The following CYP2C19 variants were observed in gnomAD, a reference collection of about 807,000 sequenced individuals.
CYP2C19 encodes cytochrome P450 2C19.
Under a neutral mutation model 40.9 loss-of-function variants are expected in CYP2C19, and 59 were observed. The ratio of observed to expected loss-of-function variants is 1.44; its 90% confidence interval spans 1.17 to 1.79. The LOEUF is 1.79. CYP2C19 is among the 40% of genes most tolerant of loss of function. The pLI is 0.00. For missense variants in CYP2C19, 754 were observed against 596.9 expected (o/e 1.26, Z -2.74); for synonymous variants, 253 against 208.7 (o/e 1.21, Z -1.83).
intron 5 of CYP2C19, among the ~76,000 whole-genome samples, chr10:94,790,055 T>C (rs961548351): frequency 6.6e-6 from 1 of 152,182 alleles, no homozygotes; most frequent in African/African-American, 2.4e-5. Flanking sequence ...GAAGAGGTCC[T>C]TCACATCCTT....
chr10:94,768,931 T>C (rs1030091365), intron 1 of CYP2C19, among the ~76,000 whole-genome samples: 3 of 152,164 alleles, frequency 2.0e-5, no homozygotes, highest in African/African-American at 7.2e-5. Flanking sequence ...GTATTTGCCC[T>C]CTGGGTTTCC....
chr10:94,830,007 C>T (rs550494546), intron 6 of CYP2C19, among the ~76,000 whole-genome samples: 7 of 152,324 alleles, frequency 4.6e-5, no homozygotes, highest in Non-Finnish European at 7.3e-5. Context: ...AGGCAGTCTG[C>T]GCATTCTCAG....
chr10:94,845,984 C>T (rs1197755198), intron 7 of CYP2C19, among the ~76,000 whole-genome samples: 1 of 151,786 alleles, frequency 6.6e-6, no homozygotes, highest in African/African-American at 2.4e-5. Flanking sequence ...TATATGTAGC[C>T]CAATAACAAT....
At chr10:94,783,858 G>A (rs1172347686) in intron 5 of CYP2C19, among the ~76,000 whole-genome samples, 1 of 152,074 alleles carries the variant, frequency 6.6e-6, no homozygotes, top group Non-Finnish European at 1.5e-5. Flanking sequence ...AATTTTGACA[G>A]GATTGCATTA....
Position 94,762,712 on chromosome 10 carries a change from C to T in CYP2C19, c.7C>T (p.Pro3Ser), listed in dbSNP as rs367543002. 867 of 1,613,082 alleles carry T rather than the reference C, an allele frequency of 5.4e-4. 23 individuals are homozygous for T. In the South Asian group the frequency reaches 9.2e-3, roughly 17 times the overall value. Residue 3 changes from proline (P) to serine (S), a missense_variant, in exon 1 of 9, where the codon CCT becomes TCT. By Grantham distance (74) the Pro-to-Ser change is moderately conservative. Coordinates refer to ENST00000371321, the MANE Select transcript of CYP2C19 (RefSeq NM_000769.4). Reference sequence around the variant, plus strand: ...ACAAGAGGAGAAGGCTTCAATGGATCCTTTTGTGGTCCTTGTGCTCTGTCT... The same window carrying T: ...ACAAGAGGAGAAGGCTTCAATGGATTCTTTTGTGGTCCTTGTGCTCTGTCT... MD[P>S]FVVLVLCLSC...
At chr10:94,828,127 A>C (rs1849261541) in intron 6 of CYP2C19, among the ~76,000 whole-genome samples, 1 of 152,096 alleles carries the variant, frequency 6.6e-6, no homozygotes, top group African/African-American at 2.4e-5. Flanking sequence ...GTGCTGAAAA[A>C]ATGTATATTC....
At chr10:94,772,060 C>T (rs570603480) in intron 1 of CYP2C19, among the ~76,000 whole-genome samples, 8 of 152,086 alleles carry the variant, frequency 5.3e-5, no homozygotes, top group African/African-American at 9.7e-5. Context: ...AGTATTGGGA[C>T]TTTACCTGTG....
chr10:94,829,416 T>G (rs541228577), intron 6 of CYP2C19, among the ~76,000 whole-genome samples: 1 of 152,166 alleles, frequency 6.6e-6, no homozygotes, highest in South Asian at 2.1e-4. Flanking sequence ...CATCTTCCAT[T>G]GCTGATACCC....
intron 6 of CYP2C19, among the ~76,000 whole-genome samples, chr10:94,823,159 C>T (rs1246445315): frequency 6.6e-6 from 1 of 152,106 alleles, no homozygotes; most frequent in Non-Finnish European, 1.5e-5. Flanking sequence ...TCCCTTAAGT[C>T]CCCTCAATAT....
chr10:94,836,239 T>C (rs1005904074), intron 6 of CYP2C19, among the ~76,000 whole-genome samples: 3 of 152,210 alleles, frequency 2.0e-5, no homozygotes, highest in Non-Finnish European at 4.4e-5. Context: ...CCTTGTATTC[T>C]TTTAACTTCT....
At chr10:94,826,596 A>G (rs190706512) in intron 6 of CYP2C19, among the ~76,000 whole-genome samples, 10 of 152,208 alleles carry the variant, frequency 6.6e-5, no homozygotes, top group African/African-American at 2.2e-4. Flanking sequence ...CAATCATGTC[A>G]TCTGTAAACA....
At chr10:94,782,932 A>G (rs116409382) in intron 5 of CYP2C19, among the ~76,000 whole-genome samples, 11,794 of 152,042 alleles carry the variant, frequency 0.078, 533 homozygotes, top group South Asian at 0.12. Flanking sequence ...ACACAGGATG[A>G]GGAACATCAC....
chr10:94,849,778 G>T (rs1795791438), intron 7 of CYP2C19, 139 bp from the exon 8 acceptor site: 7 of 1,066,588 alleles, frequency 6.6e-6, no homozygotes, highest in East Asian at 2.4e-5. Context: ...TCGTCTATCT[G>T]TCTGGAAATG....
chr10:94,789,160 GT>G (rs1848577420), intron 5 of CYP2C19, among the ~76,000 whole-genome samples: 1 of 151,840 alleles, frequency 6.6e-6, no homozygotes, highest in South Asian at 2.1e-4. Flanking sequence ...AGAAGGGTCT[GT>G]TGATATCCTT....
chr10:94,775,500 G>A lies in CYP2C19; in HGVS notation c.442G>A (p.Glu148Lys), dbSNP rs148593307. The change falls in exon 3 of 9, where the codon GAA becomes AAA. Residue 148 changes from glutamate to lysine, a missense_variant. Transcript: ENST00000371321. Reference protein sequence around the residue: ...KRSIEDRVQEEARCLVEELRK... With the variant: ...KRSIEDRVQEKARCLVEELRK... ...GAGCATTGAGGACCGTGTTCAAGAG[G>A]AAGCCCGCTGCCTTGTGGAGGAGTT... The A allele has an allele frequency of 1.2e-6, 2 of 1,613,898 alleles. No homozygotes were observed. Among genetic ancestry groups the A allele is most frequent in the African/African-American group, 2.7e-5 (2 of 74,924 alleles).
chr10:94,817,647 T>C (rs61886228), intron 5 of CYP2C19, among the ~76,000 whole-genome samples: 142,135 of 143,226 alleles, frequency 0.99, 70,531 homozygotes, highest in South Asian at 1. Flanking sequence ...GACATGAAGT[T>C]CTTGCCCATG....
At chr10:94,828,265 T>G (rs2134275304) in intron 6 of CYP2C19, among the ~76,000 whole-genome samples, 1 of 151,298 alleles carries the variant, frequency 6.6e-6, no homozygotes, top group South Asian at 2.1e-4. Context: ...CAGTGGGGTG[T>G]TAAAGTCTCC....
intron 6 of CYP2C19, 41 bp downstream of exon 6, chr10:94,820,678 A>C: frequency 6.2e-7 from 1 of 1,613,266 alleles, no homozygotes; most frequent in Non-Finnish European, 8.5e-7. Context: ...TTTAGGAAAG[A>C]TGTTGGGAAG....
In CYP2C19 at chr10:94,796,413, G is replaced by A. The variant is rs530235363; in HGVS notation, c.819+14416G>A. Among the ~76,000 whole-genome samples the A allele has an allele frequency of 9.1e-4, 139 of 152,168 alleles. 1 individual carries two copies. Among genetic ancestry groups the A allele is most frequent in the African/African-American group, 3.2e-3 (134 of 41,536 alleles). On this transcript the variant is annotated intron_variant, in intron 5 of 8. Coordinates refer to ENST00000371321, the MANE Select transcript of CYP2C19 (RefSeq NM_000769.4). ...TTTACTGTAGCCTTGCAGTATAGTT[G>A]GAAGTGAGGTAGCATGATGCCTCCA...
Sources: gnomAD v4.1 joint callset for allele counts (sites outside exome capture counted in the v4.1 genomes callset) on GRCh38, gnomAD v4.1.1 for gene constraint, MANE v1.5 for transcripts, NCBI Gene and HGNC (gene_info 2026-07-23, HGNC 2026-07-21) for gene names.